The following SLC24A3 variants were observed in gnomAD, a reference collection of about 807,000 sequenced individuals.
The protein encoded by SLC24A3 is solute carrier family 24 member 3.
A neutral mutation model predicts 75.8 loss-of-function variants in SLC24A3; 28 were observed. That is an observed-to-expected ratio of 0.37 (90% confidence interval 0.27 to 0.51). The LOEUF (loss-of-function observed/expected upper bound fraction) is 0.51. SLC24A3 is among the 20% of genes least tolerant of loss of function. The pLI, the probability that SLC24A3 is intolerant of heterozygous loss-of-function variation, is 0.94. For missense variants in SLC24A3, 663 were observed against 847.8 expected (o/e 0.78, Z 2.71); for synonymous variants, 372 against 334.1 (o/e 1.11, Z -1.24).
chr20:19,216,309 G>T (rs1320982248), intron 1 of SLC24A3, among the ~76,000 whole-genome samples: 3 of 151,940 alleles, frequency 2.0e-5, no homozygotes, highest in Non-Finnish European at 4.4e-5. Context: ...TTTTCCAGAA[G>T]TAGTGTGGAT....
chr20:19,525,477 G>T (rs944636714), intron 3 of SLC24A3, among the ~76,000 whole-genome samples: 8 of 152,134 alleles, frequency 5.3e-5, no homozygotes, highest in Non-Finnish European at 1.2e-4. Context: ...GGGAGAAGGA[G>T]GCTGGAGCTT....
intron 3 of SLC24A3, among the ~76,000 whole-genome samples, chr20:19,566,877 A>G (rs960047525): frequency 6.6e-6 from 1 of 152,242 alleles, no homozygotes; most frequent in Non-Finnish European, 1.5e-5. Context: ...TTTTAAAGAC[A>G]TAATAACACA....
chr20:19,326,943 A>G (rs992411005), intron 2 of SLC24A3, among the ~76,000 whole-genome samples: 1 of 152,186 alleles, frequency 6.6e-6, no homozygotes, highest in Non-Finnish European at 1.5e-5. Flanking sequence ...CCTGCCAATA[A>G]TTAGGTCCTG....
chr20:19,472,634 CT>C (rs2036275815), intron 2 of SLC24A3, among the ~76,000 whole-genome samples: 1 of 152,182 alleles, frequency 6.6e-6, no homozygotes, highest in Admixed American at 6.5e-5. Context: ...CGTGGGAACT[CT>C]GGAATAGTTT....
intron 1 of SLC24A3, among the ~76,000 whole-genome samples, chr20:19,225,494 T>G (rs780940657): frequency 3.9e-5 from 6 of 152,190 alleles, no homozygotes; most frequent in Non-Finnish European, 8.8e-5. Context: ...TCATACTACA[T>G]ATAATGTTTT....
intron 2 of SLC24A3, among the ~76,000 whole-genome samples, chr20:19,423,088 G>C (rs1305787998): frequency 6.6e-6 from 1 of 152,206 alleles, no homozygotes; most frequent in African/African-American, 2.4e-5. Context: ...TGGGCACCTG[G>C]CATGCTCAGG....
chr20:19,660,242 G>A (rs1301850137), intron 7 of SLC24A3, among the ~76,000 whole-genome samples: 1 of 152,086 alleles, frequency 6.6e-6, no homozygotes, highest in African/African-American at 2.4e-5. Context: ...CCGGAGTAGT[G>A]TACATTATAC....
chr20:19,293,166 C>T (rs1191085960), intron 2 of SLC24A3, among the ~76,000 whole-genome samples: 2 of 152,102 alleles, frequency 1.3e-5, no homozygotes, highest in Admixed American at 6.5e-5. Context: ...AACACAGTTT[C>T]CCCACTGCCT....
chr20:19,678,509 G>A (rs1424966839), intron 9 of SLC24A3, among the ~76,000 whole-genome samples: 1 of 136,974 alleles, frequency 7.3e-6, no homozygotes, highest in South Asian at 2.3e-4. Context: ...GGCCGGGCGG[G>A]GGGCTGACCC....
intron 2 of SLC24A3, among the ~76,000 whole-genome samples, chr20:19,291,488 G>A (rs1255869088): frequency 6.6e-6 from 1 of 152,214 alleles, no homozygotes; most frequent in Non-Finnish European, 1.5e-5. Context: ...CTGAGGCCCA[G>A]GACTATGTTC....
intron 2 of SLC24A3, among the ~76,000 whole-genome samples, chr20:19,355,590 G>A (rs184859810): frequency 5.3e-5 from 8 of 152,182 alleles, no homozygotes; most frequent in African/African-American, 1.4e-4. Flanking sequence ...GAATGTGCAG[G>A]GATTTCTAAC....
At chr20:19,547,959 T>A (rs1030524502) in intron 3 of SLC24A3, among the ~76,000 whole-genome samples, 4 of 152,234 alleles carry the variant, frequency 2.6e-5, no homozygotes, top group African/African-American at 9.6e-5. Context: ...AGTCCAGGAT[T>A]TTTTCCCCCA....
chr20:19,445,276 G>A (rs767861508), intron 2 of SLC24A3, among the ~76,000 whole-genome samples: 8 of 152,106 alleles, frequency 5.3e-5, no homozygotes, highest in African/African-American at 1.9e-4. Flanking sequence ...ACTGATTTGG[G>A]TTACAACCTT....
At chr20:19,703,555 A>T (rs1186320824) in intron 15 of SLC24A3, among the ~76,000 whole-genome samples, 1 of 152,254 alleles carries the variant, frequency 6.6e-6, no homozygotes, top group Non-Finnish European at 1.5e-5. Context: ...TAAATAATTT[A>T]TATTAATGGT....
intron 2 of SLC24A3, among the ~76,000 whole-genome samples, chr20:19,339,323 T>G (rs896627904): frequency 5.9e-5 from 9 of 152,050 alleles, no homozygotes; most frequent in Non-Finnish European, 1.3e-4. Context: ...CATCTGTGGG[T>G]GTTTGTACCG....
At chr20:19,247,759 TA>T (rs969844956) in intron 1 of SLC24A3, among the ~76,000 whole-genome samples, 102 of 152,252 alleles carry the variant, frequency 6.7e-4, no homozygotes, top group African/African-American at 2.1e-3. Flanking sequence ...AATTAAAAGT[TA>T]CTACACTTAA....
chr20:19,513,158 T>A (rs1046512861), intron 2 of SLC24A3, among the ~76,000 whole-genome samples: 1 of 151,588 alleles, frequency 6.6e-6, no homozygotes, highest in Non-Finnish European at 1.5e-5. Context: ...GGCAGCTGAA[T>A]GTAAATCAGG....
intron 3 of SLC24A3, among the ~76,000 whole-genome samples, chr20:19,544,555 G>A (rs375415525): frequency 6.6e-6 from 1 of 152,240 alleles, no homozygotes. Flanking sequence ...AAATTCACAG[G>A]GTTAAAGATT....
chr20:19,605,569 T>C (rs767155964), intron 6 of SLC24A3, among the ~76,000 whole-genome samples: 20 of 152,286 alleles, frequency 1.3e-4, no homozygotes, highest in Non-Finnish European at 2.5e-4. Flanking sequence ...GCCATATCAA[T>C]TATCCCTATG....
Sources: allele counts gnomAD v4.1 joint callset (sites outside exome capture counted in the v4.1 genomes callset), GRCh38; gene constraint gnomAD v4.1.1; transcripts MANE v1.5; gene names NCBI Gene and HGNC (gene_info 2026-07-23, HGNC 2026-07-21).